The following EFCAB14 variants were observed in gnomAD, a reference collection of about 807,000 sequenced individuals.
EFCAB14 encodes the protein EF-hand calcium binding domain 14.
In EFCAB14, 43 loss-of-function variants were observed where a neutral mutation model predicts 56.5. That is an observed-to-expected ratio of 0.76 (90% CI 0.60 to 0.98). EFCAB14 has a LOEUF of 0.98. Among genes scored for constraint, EFCAB14 ranks in the 50% least tolerant of loss-of-function variants. EFCAB14 has a pLI of 0.00. For missense variants in EFCAB14, 538 were observed against 580.3 expected (o/e 0.93, Z 0.75); for synonymous variants, 235 against 212.9 (o/e 1.10, Z -0.90).
chr1:46,686,588 TA>T, intron 8 of EFCAB14, 195 bp downstream of exon 8: 1 of 596,726 alleles, frequency 1.7e-6, no homozygotes, highest in Non-Finnish European at 3.0e-6. Flanking sequence ...CAGCTCCTAC[TA>T]AAGTGTTTGG....
intron 2 of EFCAB14, among the ~76,000 whole-genome samples, chr1:46,710,409 T>C (rs964264875): frequency 6.6e-6 from 1 of 152,210 alleles, no homozygotes; most frequent in Admixed American, 6.5e-5. Context: ...GCTACAGTGG[T>C]ACATAACACT....
chr1:46,678,595 C>T lies in EFCAB14; in HGVS notation c.1354G>A (p.Gly452Arg), dbSNP rs770184586. Reference protein sequence around the residue: ...LFRKTGQDVDGKLTYQEIWTS... With the variant: ...LFRKTGQDVDRKLTYQEIWTS... ...CAGATTTCCTGGTAGGTCAGCTTCC[C>T]ATCCACGTCCTGGCCAGTCTTGCGG... Residue 452 changes from glycine to arginine, a missense_variant, in exon 11 of 11, where the codon GGG (glycine) becomes AGG (arginine). Gly to Arg is a moderately radical substitution (Grantham distance 125). Transcript: ENST00000371933. 6.2e-7 allele frequency: 1 copy of T among 1,614,040 alleles called. No individual in the cohort carries two copies. The highest frequency in any genetic ancestry group is 2.2e-5 in the East Asian group (1 of 44,876).
intron 3 of EFCAB14, among the ~76,000 whole-genome samples, chr1:46,697,425 C>G (rs1677091907): frequency 6.6e-6 from 1 of 152,216 alleles, no homozygotes; most frequent in African/African-American, 2.4e-5. Flanking sequence ...CAGTTTCAGG[C>G]TGCAGAGACA....
rs1676733413 is a variant in EFCAB14, at chr1:46,678,535, T to C, written c.1414A>G (p.Ser472Gly). Residue 472 changes from serine to glycine, a missense_variant, in exon 11 of 11, where the codon AGC (serine) becomes GGC (glycine). Coordinates refer to ENST00000371933, the MANE Select transcript of EFCAB14 (RefSeq NM_014774.3). Reference sequence around the variant, plus strand: ...CCATCGGAATCAAATGCTCTCAAGCTCTCTGGTTCTGGCATAGCAGAACCT... The same window carrying C: ...CCATCGGAATCAAATGCTCTCAAGCCCTCTGGTTCTGGCATAGCAGAACCT... The part of the protein sequence containing the change: ...SLGSAMPEPE[S>G]LRAFDSDGDG... The C allele has an allele frequency of 6.2e-7, 1 of 1,614,158 alleles. No individual in the cohort carries two copies. The highest frequency in any genetic ancestry group is 8.5e-7 in the Non-Finnish European group (1 of 1,180,034).
At chr1:46,711,447 T>C (rs760991907) in intron 2 of EFCAB14, among the ~76,000 whole-genome samples, 3 of 152,168 alleles carry the variant, frequency 2.0e-5, no homozygotes, top group African/African-American at 7.2e-5. Flanking sequence ...AATTATTAAC[T>C]AAGAAACACA....
At position 46,683,339 on chromosome 1, in the gene EFCAB14, G is replaced by A; in HGVS notation, c.1273C>T (p.Leu425=). 1.2e-6 allele frequency: 2 copies of A among 1,614,098 alleles called. No homozygotes were observed. Among genetic ancestry groups the A allele is most frequent in the Non-Finnish European group, 8.5e-7 (1 of 1,179,984 alleles). The change falls in exon 10 of 11, where the codon CTA becomes TTA. Residue 425 remains leucine (L), a synonymous_variant. Transcript: ENST00000371933. ...ACTCCTGGTAGGGAGATAGGTCTTA[G>A]TTGGGCAGCTTTCTCAACTGGGTCT... ...LGDPVEKAAQ[L]RPISLPGVSS...
intron 5 of EFCAB14, among the ~76,000 whole-genome samples, chr1:46,691,490 A>C (rs534106087): frequency 1.3e-5 from 2 of 152,290 alleles, no homozygotes; most frequent in East Asian, 3.9e-4. Flanking sequence ...TTAAGCCACA[A>C]ACTTCTGGGG....
Position 46,719,042 on chromosome 1 carries a change from T to TGGTGGC in EFCAB14, c.-961_-956dup, listed in dbSNP as rs1460539037. On this transcript the variant is annotated 5_prime_UTR_variant, in exon 1 of 11. Transcript: ENST00000371933. This position sits in a 1 kb window ranked among gnomAD's most constrained non-coding sequence, Gnocchi z 4.0. The stretch of plus-strand genomic sequence containing the variant: ...GCTCCCGACACGTTGTTGTTGGCGT[T>TGGTGGC]GGTGGCGGCGGCTGCGGCGGCGGCG... 2 of 159,252 alleles carry TGGTGGC rather than the reference T, an allele frequency of 1.3e-5. No individual in the cohort carries two copies. Among genetic ancestry groups the TGGTGGC allele is most frequent in the South Asian group, 1.7e-4 (1 of 5,842 alleles). 9.9% of individuals were successfully genotyped at this position (159,252 alleles called of 1,614,324 possible).
At position 46,717,915 on chromosome 1, in the gene EFCAB14, G is replaced by T; in HGVS notation, c.173C>A (p.Ser58Tyr). 1 of 1,613,582 alleles carries T rather than the reference G, an allele frequency of 6.2e-7. No homozygotes were observed. The highest frequency in any genetic ancestry group is 8.5e-7 in the Non-Finnish European group (1 of 1,179,888). Residue 58 changes from serine to tyrosine, a missense_variant, in exon 1 of 11, where the codon TCT (serine) becomes TAT (tyrosine). Physicochemically the swap from Ser to Tyr is moderately radical, Grantham distance 144. Transcript: ENST00000371933. ...EEEFGVVGNR[S>Y]RFAKGDYLRC... ...CACCACTACTCACTTGGCAAAGCGA[G>T]AGCGATTTCCAACCACACCGAATTC...
At chr1:46,686,755 T>C (rs903661554) in intron 8 of EFCAB14, 29 bp downstream of exon 8, 51 of 1,605,208 alleles carry the variant, frequency 3.2e-5, no homozygotes, top group Non-Finnish European at 4.0e-5. Context: ...CATTTACTTT[T>C]ACTTCAGGGT....
Position 46,708,945 on chromosome 1 carries a change from C to CTTTT in EFCAB14, c.335-898_335-895dup, listed in dbSNP as rs539417579. On this transcript the variant is annotated intron_variant, in intron 2 of 10. Transcript: ENST00000371933. ...GGTCCTCCAGAATAAAACCTACATC[C>CTTTT]TTTTTTTTTTTTTAAAGCCACAGAC... Among the ~76,000 whole-genome samples the CTTTT allele has an allele frequency of 2.6e-4, 38 of 146,054 alleles. No individual in the cohort carries two copies. The East Asian group carries it at 4.2e-3, about 16-fold the overall frequency.
chr1:46,710,913 C>T (rs1357504386), intron 2 of EFCAB14, among the ~76,000 whole-genome samples: 1 of 152,112 alleles, frequency 6.6e-6, no homozygotes, highest in Non-Finnish European at 1.5e-5. Flanking sequence ...CTTTCCGTTC[C>T]CAGCTCATTT....
intron 3 of EFCAB14, among the ~76,000 whole-genome samples, chr1:46,702,832 C>T (rs1220048654): frequency 6.6e-6 from 1 of 152,138 alleles, no homozygotes; most frequent in Admixed American, 6.5e-5. Flanking sequence ...ACACAGAGTA[C>T]TATAGGAGAA....
chr1:46,708,069 G>A lies in EFCAB14; in HGVS notation c.335-18C>T, dbSNP rs751578255. On this transcript the variant is annotated intron_variant, in intron 2 of 10. Coordinates refer to ENST00000371933, the MANE Select transcript of EFCAB14 (RefSeq NM_014774.3). ...AGATTCCACTAAAAAGACAAAATAA[G>A]AACAATCATAACTAGCATAAAGTGC... 4.4e-6 allele frequency: 7 copies of A among 1,606,996 alleles called. No homozygotes were observed. The highest frequency in any genetic ancestry group is 5.9e-6 in the Non-Finnish European group (7 of 1,178,420).
chr1:46,679,599 GTTTTTTTTTTTTTTTTTT>G (rs60875639), intron 10 of EFCAB14, among the ~76,000 whole-genome samples: 3 of 36,522 alleles, frequency 8.2e-5, no homozygotes, highest in South Asian at 1.4e-3. Context: ...CACCACGCCT[GTTTTTTTTTTTTTTTTTT>G]TTTTTTTTTT....
intron 10 of EFCAB14, 41 bp downstream of exon 10, chr1:46,683,258 CT>C: frequency 6.3e-7 from 1 of 1,590,714 alleles, no homozygotes; most frequent in Non-Finnish European, 8.5e-7. Flanking sequence ...AAAGTTATTA[CT>C]TTGAACATTC....
chr1:46,687,050 A>G, intron 7 of EFCAB14, 180 bp from the exon 8 acceptor site: 2 of 608,760 alleles, frequency 3.3e-6, no homozygotes, highest in South Asian at 2.0e-5. Flanking sequence ...GCCAGAGACG[A>G]AGTTGAAACT....
chr1:46,688,494 C>G lies in EFCAB14; in HGVS notation c.846G>C (p.Val282=), dbSNP rs2304746. ...NSLEEVNSAL[V]GYQRQNDLKL... is the part of the protein sequence containing the mutation. ...TAAGATCATTCTGTCTCTGGTACCC[C>G]ACTAGGGCACTGTTTACCTCCTCTA... The change falls in exon 7 of 11, where the codon GTG becomes GTC. Residue 282 remains valine (V), a synonymous_variant. Transcript: ENST00000371933. 1,136 of 1,613,880 alleles carry G rather than the reference C, an allele frequency of 7.0e-4. 21 individuals are homozygous for G. The East Asian group carries it at 0.022, about 32-fold the overall frequency.
intron 6 of EFCAB14, 130 bp from the exon 7 acceptor site, chr1:46,688,674 A>G (rs1157009344): frequency 7.5e-6 from 6 of 797,716 alleles, no homozygotes; most frequent in East Asian, 2.7e-5. Flanking sequence ...TTGACCATCA[A>G]TCGTCTGTCT....
Sources: allele counts gnomAD v4.1 joint callset (sites outside exome capture counted in the v4.1 genomes callset), GRCh38; gene constraint gnomAD v4.1.1; non-coding constraint Gnocchi (gnomAD v3.1); transcripts MANE v1.5; gene names NCBI Gene and HGNC (gene_info 2026-07-23, HGNC 2026-07-21).